FYN: variants seen among roughly 807,000 people sequenced by gnomAD.
FYN encodes FYN proto-oncogene, Src family tyrosine kinase, also known as tyrosine-protein kinase Fyn.
FYN carries 10 observed loss-of-function variants against 70.2 expected under a neutral mutation model. The observed-to-expected ratio is 0.14, with a 90% CI of 0.09 to 0.24. The LOEUF is 0.24. Among genes scored for constraint, FYN ranks in the 10% least tolerant of loss-of-function variants. The probability of loss-of-function intolerance (pLI) is 1.00; values close to 1 mark genes in which losing one functional copy is unlikely to be tolerated. For synonymous variants in FYN, 236 were observed against 248.6 expected (o/e 0.95, Z 0.48); for missense variants, 319 against 673.1 (o/e 0.47, Z 5.82).
chr6:111,722,780 C>T (rs1410825294), intron 3 of FYN, among the ~76,000 whole-genome samples: 1 of 152,200 alleles, frequency 6.6e-6, no homozygotes, highest in Non-Finnish European at 1.5e-5. Context: ...ATGCACAGGA[C>T]AGCCTCCTAC....
At chr6:111,786,459 T>C (rs891273389) in intron 2 of FYN, among the ~76,000 whole-genome samples, 4 of 152,258 alleles carry the variant, frequency 2.6e-5, no homozygotes, top group Admixed American at 1.3e-4. Context: ...CAGTCTATCA[T>C]TGATGGACAT....
chr6:111,671,320 T>C (rs1179855699), intron 13 of FYN, among the ~76,000 whole-genome samples: 1 of 152,188 alleles, frequency 6.6e-6, no homozygotes, highest in Non-Finnish European at 1.5e-5. Context: ...CCTCACATAC[T>C]CCACTCTAAG....
intron 6 of FYN, among the ~76,000 whole-genome samples, chr6:111,707,455 T>TTTAA (rs1217074293): frequency 6.6e-6 from 1 of 152,230 alleles, no homozygotes; most frequent in Admixed American, 6.5e-5. Flanking sequence ...GAGTCACTTT[T>TTTAA]ACCGGGCATA....
chr6:111,717,742 G>T lies in FYN; in HGVS notation c.247+2063C>A, dbSNP rs532465154. On this transcript the variant is annotated intron_variant, in intron 4 of 13. Coordinates refer to ENST00000354650, the MANE Select transcript of FYN (RefSeq NM_002037.5). ...GCCTTCCAAAGTGCTGGGATTACAG[G>T]CATGAGCTACTGCACCCGGCCAGAG... Among the ~76,000 whole-genome samples the T allele has an allele frequency of 2.0e-5, 3 of 152,290 alleles. No individual in the cohort carries two copies. The East Asian group carries it at 5.8e-4, about 29-fold the overall frequency.
At chr6:111,726,640 T>C (rs1457777501) in intron 3 of FYN, among the ~76,000 whole-genome samples, 3 of 152,148 alleles carry the variant, frequency 2.0e-5, no homozygotes, top group Non-Finnish European at 4.4e-5. Flanking sequence ...GTGTGAGGGC[T>C]GGAGGTGTTG....
intron 2 of FYN, among the ~76,000 whole-genome samples, chr6:111,805,670 C>T (rs1772125108): frequency 6.6e-6 from 1 of 152,136 alleles, no homozygotes; most frequent in Admixed American, 6.5e-5. Flanking sequence ...GTCTACTGAC[C>T]ACCCTTCCAA....
At chr6:111,725,301 A>G (rs1387662723) in intron 3 of FYN, among the ~76,000 whole-genome samples, 5 of 152,220 alleles carry the variant, frequency 3.3e-5, no homozygotes, top group Admixed American at 3.3e-4. Flanking sequence ...TGAGTACCAC[A>G]TCAGCAGCAA....
At chr6:111,863,835 G>A (rs753819863) in intron 1 of FYN, among the ~76,000 whole-genome samples, 3 of 152,054 alleles carry the variant, frequency 2.0e-5, no homozygotes, top group Admixed American at 6.5e-5. Context: ...CTCAAGCTTC[G>A]GCACTCTCTG....
chr6:111,862,283 C>G lies in FYN; in HGVS notation c.-123+10685G>C, dbSNP rs1773985107. On this transcript the variant is annotated intron_variant, in intron 1 of 13. Transcript: ENST00000354650. ...AAAGGAGTAACTATTTCCCCAATCA[C>G]CCTAAATTTTTAACAAAAAGCTCAA... 2.0e-5 allele frequency among the ~76,000 whole-genome samples: 3 copies of G among 152,068 alleles called. No homozygotes were observed. In the South Asian group the frequency reaches 6.2e-4, roughly 32 times the overall value.
chr6:111,824,710 C>A (rs1289089782), intron 2 of FYN, among the ~76,000 whole-genome samples: 5 of 152,106 alleles, frequency 3.3e-5, no homozygotes, highest in African/African-American at 1.2e-4. Context: ...AGCTATTTTT[C>A]TTCTCAGGTC....
At chr6:111,842,303 C>T (rs990934614) in intron 2 of FYN, among the ~76,000 whole-genome samples, 1 of 152,198 alleles carries the variant, frequency 6.6e-6, no homozygotes, top group Non-Finnish European at 1.5e-5. Flanking sequence ...CCCGTCTGCA[C>T]ATAGGAACTG....
intron 3 of FYN, among the ~76,000 whole-genome samples, chr6:111,778,995 C>G (rs551018331): frequency 1.3e-5 from 2 of 152,180 alleles, no homozygotes; most frequent in Admixed American, 6.5e-5. Context: ...CTATATACCC[C>G]CTCCTCACAA....
intron 2 of FYN, among the ~76,000 whole-genome samples, chr6:111,825,786 G>A (rs1772816902): frequency 6.6e-6 from 1 of 152,130 alleles, no homozygotes; most frequent in African/African-American, 2.4e-5. Flanking sequence ...ATTTGTAAGG[G>A]CTGTAACGTG....
intron 4 of FYN, among the ~76,000 whole-genome samples, chr6:111,714,736 CA>C (rs1800541522): frequency 6.6e-6 from 1 of 152,168 alleles, no homozygotes. Flanking sequence ...AATTGCATCC[CA>C]AACAAAAGGG....
intron 2 of FYN, among the ~76,000 whole-genome samples, chr6:111,832,004 C>T (rs112592622): frequency 1.2e-3 from 189 of 152,318 alleles, no homozygotes; most frequent in African/African-American, 4.1e-3. Context: ...CTACACGCTA[C>T]ACCCAAAGTT....
rs542165036 is a variant in FYN at position 111,815,452 on chromosome 6, A to G, written c.-82+31137T>C. Among the ~76,000 whole-genome samples the G allele has an allele frequency of 7.0e-4, 107 of 152,344 alleles. 1 individual carries two copies. Among genetic ancestry groups the G allele is most frequent in the Middle Eastern group, 6.8e-3 (2 of 294 alleles). ...TTCCAATAAAAATTTATTACAAATA[A>G]ATAGCAACACAAACAAAATCCCCCA... is the stretch of plus-strand genomic sequence containing the variant. On this transcript the variant is annotated intron_variant, in intron 2 of 13. Transcript: ENST00000354650.
At position 111,667,818 on chromosome 6, in the gene FYN, C is replaced by T. The variant is rs553738754; in HGVS notation, c.1406-5871G>A. Among the ~76,000 whole-genome samples, 432 of 152,284 alleles carry T rather than the reference C, an allele frequency of 2.8e-3. 1 individual carries two copies. The highest frequency in any genetic ancestry group is 1.0e-2 in the African/African-American group (414 of 41,540). On this transcript the variant is annotated intron_variant, in intron 13 of 13. Coordinates refer to ENST00000354650, the MANE Select transcript of FYN (RefSeq NM_002037.5). The stretch of plus-strand genomic sequence containing the variant: ...TTCCCAATATGGATCTCAGATGGGC[C>T]ATATCTGTACAATCAGGGATTTTAA...
At chr6:111,685,924 C>T (rs1010920635) in intron 12 of FYN, among the ~76,000 whole-genome samples, 1 of 152,178 alleles carries the variant, frequency 6.6e-6, no homozygotes, top group African/African-American at 2.4e-5. Flanking sequence ...CACTGCTTAC[C>T]TCCAATCCAT....
At chr6:111,746,084 A>C (rs1458558645) in intron 3 of FYN, among the ~76,000 whole-genome samples, 1 of 152,244 alleles carries the variant, frequency 6.6e-6, no homozygotes, top group Non-Finnish European at 1.5e-5. Context: ...TCTTTCAAGA[A>C]AATAGTTCAT....
Sources: gnomAD v4.1 joint callset for allele counts (sites outside exome capture counted in the v4.1 genomes callset) on GRCh38, gnomAD v4.1.1 for gene constraint, MANE v1.5 for transcripts, NCBI Gene and HGNC (gene_info 2026-07-23, HGNC 2026-07-21) for gene names.